CACNA2D3: variants seen among roughly 807,000 people sequenced by gnomAD.
CACNA2D3 encodes the protein voltage-dependent calcium channel subunit alpha-2/delta-3.
CACNA2D3 carries 60 observed loss-of-function variants against 160.6 expected under a neutral mutation model. That is an observed-to-expected ratio of 0.37 (90% CI 0.30 to 0.46). The LOEUF is 0.46. Among genes scored for constraint, CACNA2D3 ranks in the 20% least tolerant of loss-of-function variants. The pLI, the probability that CACNA2D3 is intolerant of heterozygous loss-of-function variation, is 1.00. For synonymous variants in CACNA2D3, 558 were observed against 492.9 expected (o/e 1.13, Z -1.75); for missense variants, 1,205 against 1,365.0 (o/e 0.88, Z 1.85).
chr3:55,056,124 C>T (rs1704354334), intron 35 of CACNA2D3, among the ~76,000 whole-genome samples: 1 of 151,968 alleles, frequency 6.6e-6, no homozygotes, highest in African/African-American at 2.4e-5. Flanking sequence ...ACAAAAACCC[C>T]AGTTAAAAAG....
At chr3:54,404,993 A>G (rs1352377674) in intron 4 of CACNA2D3, among the ~76,000 whole-genome samples, 1 of 136,370 alleles carries the variant, frequency 7.3e-6, no homozygotes, top group Non-Finnish European at 1.6e-5. Context: ...ACTATAAAAC[A>G]TTGATGAAAG....
intron 2 of CACNA2D3, among the ~76,000 whole-genome samples, chr3:54,126,182 G>A (rs1699586848): frequency 6.6e-6 from 1 of 152,218 alleles, no homozygotes; most frequent in South Asian, 2.1e-4. Context: ...AATATAGTGT[G>A]TTCATTTTTA....
intron 14 of CACNA2D3, among the ~76,000 whole-genome samples, chr3:54,817,618 G>GT (rs1463161196): frequency 1.3e-5 from 2 of 152,226 alleles, no homozygotes; most frequent in African/African-American, 4.8e-5. Flanking sequence ...GCCAGATGTT[G>GT]TGTTTCAAGA....
At chr3:54,842,819 T>G (rs758483141) in intron 16 of CACNA2D3, among the ~76,000 whole-genome samples, 1 of 151,834 alleles carries the variant, frequency 6.6e-6, no homozygotes, top group African/African-American at 2.4e-5. Flanking sequence ...CAGGCTGGTC[T>G]TGAACTCCTA....
In CACNA2D3 at chr3:55,018,245, A is replaced by T; in HGVS notation, c.2915A>T (p.Glu972Val). 1 of 1,613,356 alleles carries T rather than the reference A, an allele frequency of 6.2e-7. No individual in the cohort carries two copies. Among genetic ancestry groups the T allele is most frequent in the Non-Finnish European group, 8.5e-7 (1 of 1,179,554 alleles). ...CAGACCCTGGAGCCTTGTGATACTG[A>T]ATATCCAGCATTCGTCTCTGAGCGC... Reference protein sequence around the residue: ...LKQTLEPCDTEYPAFVSERTI... With the variant: ...LKQTLEPCDTVYPAFVSERTI... The change falls in exon 35 of 38, where the codon GAA becomes GTA. Residue 972 changes from glutamate (E) to valine (V), a missense_variant. Coordinates refer to ENST00000474759, the MANE Select transcript of CACNA2D3 (RefSeq NM_018398.3).
At chr3:55,031,708 A>G (rs3773554) in intron 35 of CACNA2D3, among the ~76,000 whole-genome samples, 88,444 of 151,968 alleles carry the variant, frequency 0.58, 25,973 homozygotes, top group Admixed American at 0.61. Context: ...GCCTTGGAAG[A>G]TATAGCCCAA....
intron 11 of CACNA2D3, among the ~76,000 whole-genome samples, chr3:54,751,468 T>TTA (rs933456825): frequency 3.4e-4 from 51 of 152,142 alleles, no homozygotes; most frequent in African/African-American, 1.2e-3. Context: ...GTGTTTTTTT[T>TTA]AATCTCTTCA....
At chr3:55,000,322 A>C (rs1702952950) in intron 31 of CACNA2D3, among the ~76,000 whole-genome samples, 1 of 152,190 alleles carries the variant, frequency 6.6e-6, no homozygotes, top group African/African-American at 2.4e-5. Context: ...AAAGCTGTCC[A>C]AGTGTGGAGA....
intron 14 of CACNA2D3, among the ~76,000 whole-genome samples, chr3:54,831,104 T>C (rs1703868159): frequency 6.6e-6 from 1 of 152,210 alleles, no homozygotes; most frequent in African/African-American, 2.4e-5. Context: ...ATATGATATT[T>C]GATGAGAGTT....
intron 17 of CACNA2D3, among the ~76,000 whole-genome samples, 167 bp from the exon 18 acceptor site, chr3:54,871,372 C>T (rs1369848730): frequency 6.6e-6 from 1 of 152,176 alleles, no homozygotes; most frequent in Non-Finnish European, 1.5e-5. Context: ...CCTTGGCTTT[C>T]CTGTCATTAA....
rs144936119 is a variant in CACNA2D3 at position 54,348,823 on chromosome 3, GTT to G, written c.321+28266_321+28267del. 2.1e-3 allele frequency among the ~76,000 whole-genome samples: 315 copies of G among 152,272 alleles called. 1 individual carries two copies. The highest frequency in any genetic ancestry group is 6.8e-3 in the African/African-American group (282 of 41,558). On this transcript the variant is annotated intron_variant, in intron 3 of 37. Transcript: ENST00000474759. ...CACTCACTGCAACCTCCACCTCCCAGTTCAAGCACTTCTTCTGCCTCTGTCTC... is the reference window on the plus strand; with the variant it reads ...CACTCACTGCAACCTCCACCTCCCAGCAAGCACTTCTTCTGCCTCTGTCTC...
intron 34 of CACNA2D3, among the ~76,000 whole-genome samples, chr3:55,014,601 G>A (rs369039339): frequency 3.9e-5 from 6 of 152,110 alleles, no homozygotes; most frequent in South Asian, 2.1e-4. Context: ...GCATGATGGC[G>A]CGTGCCTGTA....
chr3:54,369,180 C>G (rs1256410168), intron 3 of CACNA2D3, among the ~76,000 whole-genome samples: 1 of 151,900 alleles, frequency 6.6e-6, no homozygotes, highest in Admixed American at 6.5e-5. Flanking sequence ...TTGTTTGTTT[C>G]AGGCTTGAGA....
intron 17 of CACNA2D3, among the ~76,000 whole-genome samples, chr3:54,860,804 A>G (rs1419511978): frequency 6.6e-6 from 1 of 152,164 alleles, no homozygotes; most frequent in African/African-American, 2.4e-5. Context: ...AATTCATCCA[A>G]GCTACTTAAC....
At chr3:54,494,712 A>G (rs1701175986) in intron 4 of CACNA2D3, among the ~76,000 whole-genome samples, 2 of 152,144 alleles carry the variant, frequency 1.3e-5, no homozygotes, top group Non-Finnish European at 2.9e-5. Context: ...AGGCTGGGTA[A>G]TTTATAAAGG....
chr3:54,334,563 CTG>C (rs1704333420), intron 3 of CACNA2D3, among the ~76,000 whole-genome samples: 1 of 152,144 alleles, frequency 6.6e-6, no homozygotes, highest in Non-Finnish European at 1.5e-5. Context: ...GTTTTCTTGT[CTG>C]TGAAATGGAC....
At chr3:54,611,256 G>A (rs568816048) in intron 9 of CACNA2D3, among the ~76,000 whole-genome samples, 1 of 152,302 alleles carries the variant, frequency 6.6e-6, no homozygotes, top group South Asian at 2.1e-4. Flanking sequence ...GATGCATGGG[G>A]TTTAGCTGTG....
intron 3 of CACNA2D3, among the ~76,000 whole-genome samples, chr3:54,360,382 T>C (rs1219090546): frequency 6.6e-6 from 1 of 152,238 alleles, no homozygotes; most frequent in Non-Finnish European, 1.5e-5. Context: ...GAATCAATTC[T>C]GACTTGAATT....
At chr3:54,290,626 A>G (rs4928036) in intron 2 of CACNA2D3, among the ~76,000 whole-genome samples, 48,336 of 147,216 alleles carry the variant, frequency 0.33, 8,039 homozygotes, top group African/African-American at 0.47. Context: ...TTATTGCGGC[A>G]CTATTCACAA....
Sources: allele counts gnomAD v4.1 joint callset (sites outside exome capture counted in the v4.1 genomes callset), GRCh38; gene constraint gnomAD v4.1.1; transcripts MANE v1.5; gene names NCBI Gene and HGNC (gene_info 2026-07-23, HGNC 2026-07-21).